Variants in FMNL2 observed in about 807,000 individuals in gnomAD.
FMNL2 encodes formin-like protein 2.
In FMNL2, 51 loss-of-function variants were observed where a neutral mutation model predicts 130.2. The ratio of observed to expected loss-of-function variants is 0.39; its 90% confidence interval spans 0.31 to 0.49. FMNL2 has a LOEUF of 0.49. Ranked by LOEUF, FMNL2 falls within the 20% of genes least tolerant of loss-of-function variation. The pLI is 0.85. For synonymous variants in FMNL2, 465 were observed against 467.1 expected, an observed-to-expected ratio of 1.00 and a Z score of 0.06; for missense variants, 977 against 1,316.2, an observed-to-expected ratio of 0.74 and a Z score of 3.99.
chr2:152,479,032 T>C (rs1292095556), intron 1 of FMNL2, among the ~76,000 whole-genome samples: 1 of 152,256 alleles, frequency 6.6e-6, no homozygotes, highest in African/African-American at 2.4e-5. Flanking sequence ...AGTATGTTAA[T>C]ATTTAGTTAC....
intron 2 of FMNL2, among the ~76,000 whole-genome samples, chr2:152,522,538 G>T (rs544153820): frequency 1.3e-5 from 2 of 152,160 alleles, no homozygotes; most frequent in Non-Finnish European, 2.9e-5. Flanking sequence ...AGAGGAACCC[G>T]GTGGGAGGTA....
At position 152,629,918 on chromosome 2, in the gene FMNL2, A is replaced by G; in HGVS notation, c.2550+13A>G. 1 of 1,595,224 alleles carries G rather than the reference A, an allele frequency of 6.3e-7. No individual in the cohort carries two copies. The highest frequency in any genetic ancestry group is 8.5e-7 in the Non-Finnish European group (1 of 1,170,188). On this transcript the variant is annotated intron_variant, in intron 20 of 25. Transcript: ENST00000288670. ...GAGTTTAGATCTGGTGAGTGGACTAAAAGAAATTTGAGAGCTGTTTGAAGG... is the reference window on the plus strand; with the variant it reads ...GAGTTTAGATCTGGTGAGTGGACTAGAAGAAATTTGAGAGCTGTTTGAAGG...
intron 2 of FMNL2, among the ~76,000 whole-genome samples, chr2:152,522,591 TAGTG>T (rs1303656053): frequency 6.6e-6 from 1 of 152,190 alleles, no homozygotes; most frequent in African/African-American, 2.4e-5. Context: ...GTTCTTGTGG[TAGTG>T]AGTAAGTCTC....
chr2:152,404,929 A>G (rs1241235938), intron 1 of FMNL2, among the ~76,000 whole-genome samples: 1 of 152,170 alleles, frequency 6.6e-6, no homozygotes, highest in Non-Finnish European at 1.5e-5. Context: ...GCCTCCCTAC[A>G]ACAGGCCCTG....
intron 2 of FMNL2, among the ~76,000 whole-genome samples, chr2:152,533,295 GTCTA>G (rs1391244521): frequency 6.6e-6 from 1 of 152,102 alleles, no homozygotes; most frequent in Non-Finnish European, 1.5e-5. Context: ...TCATCTGTCT[GTCTA>G]TCCATCCATC....
intron 21 of FMNL2, among the ~76,000 whole-genome samples, chr2:152,632,607 A>C (rs1225797301): frequency 6.6e-6 from 1 of 152,172 alleles, no homozygotes; most frequent in African/African-American, 2.4e-5. Flanking sequence ...TTGTCATTTA[A>C]ATCATCTGTG....
intron 1 of FMNL2, among the ~76,000 whole-genome samples, chr2:152,515,963 G>A (rs947654686): frequency 6.6e-6 from 1 of 152,218 alleles, no homozygotes; most frequent in East Asian, 1.9e-4. Context: ...AAGATCACCC[G>A]TAATTAGTAG....
At chr2:152,620,493 T>A in intron 15 of FMNL2, among the ~76,000 whole-genome samples, 1 of 152,164 alleles carries the variant, frequency 6.6e-6, no homozygotes, top group East Asian at 1.9e-4. Flanking sequence ...CTGAAGTGTT[T>A]CCCTGGCATC....
At chr2:152,381,656 A>G (rs1304321308) in intron 1 of FMNL2, among the ~76,000 whole-genome samples, 2 of 152,208 alleles carry the variant, frequency 1.3e-5, no homozygotes, top group East Asian at 3.8e-4. Flanking sequence ...AGGGAAATAG[A>G]GAATTGTTCC....
chr2:152,601,667 C>CGTTT (rs1553484907), intron 9 of FMNL2, among the ~76,000 whole-genome samples: 3 of 132,238 alleles, frequency 2.3e-5, no homozygotes, highest in African/African-American at 9.3e-5. Flanking sequence ...CTTTTCTTTT[C>CGTTT]TTTCTTTTTT....
chr2:152,362,109 C>T (rs1188336874), intron 1 of FMNL2, among the ~76,000 whole-genome samples: 6 of 152,174 alleles, frequency 3.9e-5, no homozygotes, highest in Admixed American at 3.3e-4. Flanking sequence ...CATGCATCCA[C>T]ATCATGAACA....
At chr2:152,573,057 C>A (rs1363546302) in intron 6 of FMNL2, among the ~76,000 whole-genome samples, 5 of 152,032 alleles carry the variant, frequency 3.3e-5, no homozygotes, top group South Asian at 4.1e-4. Flanking sequence ...AGAGGAAATC[C>A]TTTTAAAATG....
rs759915878 is a variant in FMNL2, at chr2:152,614,837, A to C, written c.1063-14A>C. The C allele has an allele frequency of 6.9e-6, 11 of 1,600,654 alleles. No individual in the cohort carries two copies. Among genetic ancestry groups the C allele is most frequent in the Non-Finnish European group, 8.5e-6 (10 of 1,176,448 alleles). ...ATGAGCTAACACCACGTTCTCTCCT[A>C]TTCTGGTTTTTAGAAGCTGAAACAC... On this transcript the variant is annotated splice_polypyrimidine_tract_variant and intron_variant, in intron 11 of 25. Coordinates refer to ENST00000288670, the MANE Select transcript of FMNL2 (RefSeq NM_052905.4).
intron 1 of FMNL2, among the ~76,000 whole-genome samples, chr2:152,413,969 A>G (rs953089969): frequency 1.3e-5 from 2 of 152,182 alleles, no homozygotes; most frequent in African/African-American, 2.4e-5. Context: ...GTCTTTGTCC[A>G]TTTAAAAAGG....
At chr2:152,625,334 T>G (rs1470258855) in intron 15 of FMNL2, 104 bp from the exon 16 acceptor site, 2 of 1,385,670 alleles carry the variant, frequency 1.4e-6, no homozygotes, top group African/African-American at 2.9e-5. Context: ...TTGCCAACCT[T>G]CCTCCAGTGT....
intron 11 of FMNL2, 127 bp from the exon 12 acceptor site, chr2:152,614,724 C>T (rs981656310): frequency 1.3e-6 from 1 of 757,538 alleles, no homozygotes; most frequent in African/African-American, 2.0e-5. Context: ...GCCTGGGTGA[C>T]AGAGTGAAAC....
In FMNL2 at chr2:152,639,955, C is replaced by T. The variant is rs915228171; in HGVS notation, c.2947-3C>T. 1.3e-6 allele frequency: 2 copies of T among 1,547,390 alleles called. No individual in the cohort carries two copies. The highest frequency in any genetic ancestry group is 1.4e-5 in the African/African-American group (1 of 72,280). On this transcript the variant is annotated splice_polypyrimidine_tract_variant and splice_region_variant and intron_variant, in intron 23 of 25. Coordinates refer to ENST00000288670, the MANE Select transcript of FMNL2 (RefSeq NM_052905.4). ...ATCTTTCTGGTTCTTTTGATTTACC[C>T]AGCAAGCAGAAGAGGAAAATGAGCT...
chr2:152,616,237 A>C (rs904745544), intron 12 of FMNL2, among the ~76,000 whole-genome samples: 1 of 151,938 alleles, frequency 6.6e-6, no homozygotes, highest in Non-Finnish European at 1.5e-5. Context: ...CCAACATTGC[A>C]TGACCATACT....
At chr2:152,585,394 A>G (rs1431033945) in intron 9 of FMNL2, among the ~76,000 whole-genome samples, 1 of 152,170 alleles carries the variant, frequency 6.6e-6, no homozygotes. Flanking sequence ...CGAGACTACC[A>G]AACAGAAAAA....
Sources: allele counts gnomAD v4.1 joint callset (sites outside exome capture counted in the v4.1 genomes callset), GRCh38; gene constraint gnomAD v4.1.1; transcripts MANE v1.5; gene names NCBI Gene and HGNC (gene_info 2026-07-23, HGNC 2026-07-21).